GRIP1: variants seen among roughly 807,000 people sequenced by gnomAD.
GRIP1 encodes the protein glutamate receptor-interacting protein 1.
GRIP1 carries 45 observed loss-of-function variants against 129.9 expected under a neutral mutation model. That is an observed-to-expected ratio of 0.35 (90% CI 0.27 to 0.44). The LOEUF (loss-of-function observed/expected upper bound fraction) is 0.44, where lower values mean the gene tolerates loss of function less well. Ranked by LOEUF, GRIP1 falls within the 20% of genes least tolerant of loss-of-function variation. The probability of loss-of-function intolerance (pLI) is 1.00; values close to 1 mark genes in which losing one functional copy is unlikely to be tolerated. For synonymous variants in GRIP1, 530 were observed against 520.8 expected (o/e 1.02, Z -0.24); for missense variants, 1,196 against 1,396.8 (o/e 0.86, Z 2.29).
chr12:66,617,622 A>T (rs898461131), intron 1 of GRIP1, among the ~76,000 whole-genome samples: 3 of 152,068 alleles, frequency 2.0e-5, no homozygotes, highest in Non-Finnish European at 4.4e-5. Flanking sequence ...ACTGGCTTTG[A>T]TTAGAGCTCA....
At chr12:66,953,133 T>C (rs1169352407) in intron 1 of GRIP1, among the ~76,000 whole-genome samples, 1 of 152,216 alleles carries the variant, frequency 6.6e-6, no homozygotes, top group Non-Finnish European at 1.5e-5. Flanking sequence ...CCTTTTCATT[T>C]AAAACAAGAA....
At chr12:67,036,325 A>T (rs1455071635) in intron 1 of GRIP1, among the ~76,000 whole-genome samples, 1 of 148,578 alleles carries the variant, frequency 6.7e-6, no homozygotes, top group African/African-American at 2.5e-5. Context: ...AATAATACAG[A>T]ATAAGGATGT....
intron 9 of GRIP1, 69 bp downstream of exon 9, chr12:66,462,855 C>T: frequency 1.0e-6 from 1 of 998,326 alleles, no homozygotes; most frequent in South Asian, 1.3e-5. Flanking sequence ...TTTCTGCTGT[C>T]TAACTCTGCT....
intron 7 of GRIP1, among the ~76,000 whole-genome samples, chr12:66,487,884 G>GAA (rs2059997754): frequency 6.6e-6 from 1 of 151,996 alleles, no homozygotes; most frequent in Admixed American, 6.6e-5. Flanking sequence ...AAAAGACAAT[G>GAA]GGATTACATA....
chr12:66,444,628 G>A lies in GRIP1; in HGVS notation c.1643C>T (p.Ser548Leu), dbSNP rs1352984238. Residue 548 changes from serine to leucine, a missense_variant, in exon 13 of 25, where the codon TCA (serine) becomes TTA (leucine). By Grantham distance (145) the Ser-to-Leu change is moderately radical (BLOSUM62 -2). This residue lies in a region of GRIP1 where 508 missense variants were observed against 587.0 expected (regional missense o/e 0.87). Transcript: ENST00000359742. ...TTCCAGTGTGACCTTGCTCGTGATTGAAGAGTCTCGGAGGAGCTGACTGGC... is the reference window on the plus strand; with the variant it reads ...TTCCAGTGTGACCTTGCTCGTGATTAAAGAGTCTCGGAGGAGCTGACTGGC... ...EEASQLLRDS[S>L]ITSKVTLEIE... is the part of the protein sequence containing the mutation. 4 of 1,613,726 alleles carry A rather than the reference G, an allele frequency of 2.5e-6. No individual in the cohort carries two copies. Among genetic ancestry groups the A allele is most frequent in the Non-Finnish European group, 3.4e-6 (4 of 1,179,858 alleles).
chr12:66,488,818 A>G (rs2060027282), intron 7 of GRIP1, among the ~76,000 whole-genome samples: 1 of 152,050 alleles, frequency 6.6e-6, no homozygotes, highest in Admixed American at 6.6e-5. Context: ...AAATACAAAT[A>G]ACTATCAGAG....
chr12:66,853,332 C>CTG (rs2137086275), intron 1 of GRIP1, among the ~76,000 whole-genome samples: 1 of 151,942 alleles, frequency 6.6e-6, no homozygotes, highest in African/African-American at 2.4e-5. Flanking sequence ...GCCAGTGATG[C>CTG]ATTAGATATA....
intron 2 of GRIP1, among the ~76,000 whole-genome samples, chr12:66,585,333 A>C (rs1276115792): frequency 1.6e-5 from 2 of 128,942 alleles, no homozygotes; most frequent in East Asian, 4.6e-4. Context: ...ATTCCCACCT[A>C]TGAGTGAGAA....
chr12:67,032,030 T>C (rs1292148362), intron 1 of GRIP1, among the ~76,000 whole-genome samples: 1 of 152,138 alleles, frequency 6.6e-6, no homozygotes, highest in African/African-American at 2.4e-5. Context: ...CTGTCCATGG[T>C]TAGGGATACA....
chr12:66,788,088 G>A (rs1184090995), intron 1 of GRIP1, among the ~76,000 whole-genome samples: 4 of 151,944 alleles, frequency 2.6e-5, no homozygotes, highest in African/African-American at 9.7e-5. Context: ...GTGGTCATGG[G>A]GCACAAGACA....
At position 66,934,032 on chromosome 12, in the gene GRIP1, T is replaced by G. The variant is rs2041443617; in HGVS notation, c.58+135018A>C. Among the ~76,000 whole-genome samples, 3 of 152,336 alleles carry G rather than the reference T, an allele frequency of 2.0e-5. No homozygotes were observed. The South Asian group carries it at 6.2e-4, about 32-fold the overall frequency. ...GTGTACAAAACATGTTCTCTCACAA[T>G]TCATATTCCCACAAGAGCACCTTGT... On this transcript the variant is annotated intron_variant, in intron 1 of 1. Coordinates refer to the GRIP1 transcript ENST00000643019.
chr12:66,414,932 T>TATAACATGAAATAAA (rs2057536154), intron 15 of GRIP1, among the ~76,000 whole-genome samples: 4 of 121,950 alleles, frequency 3.3e-5, no homozygotes, highest in African/African-American at 1.5e-4. Context: ...TTACACCTTA[T>TATAACATGAAATAAA]ATAAAATAAA....
intron 1 of GRIP1, among the ~76,000 whole-genome samples, chr12:67,020,297 G>A (rs2042846451): frequency 6.6e-6 from 1 of 152,100 alleles, no homozygotes; most frequent in Non-Finnish European, 1.5e-5. Flanking sequence ...CATTTTTTAA[G>A]CCTGCATATA....
intron 16 of GRIP1, among the ~76,000 whole-genome samples, chr12:66,398,300 T>C (rs186904638): frequency 8.6e-5 from 13 of 150,470 alleles, no homozygotes; most frequent in African/African-American, 2.8e-4. Flanking sequence ...CTCAGTTCTT[T>C]AAGAATAAAA....
chr12:67,060,111 C>A (rs570256828), intron 1 of GRIP1, among the ~76,000 whole-genome samples: 1 of 152,248 alleles, frequency 6.6e-6, no homozygotes, highest in African/African-American at 2.4e-5. Context: ...TAACCTAATA[C>A]CGCCACCACT....
chr12:66,579,158 G>A (rs1048277953), intron 2 of GRIP1, among the ~76,000 whole-genome samples: 20 of 152,332 alleles, frequency 1.3e-4, no homozygotes, highest in African/African-American at 4.6e-4. Context: ...AGGGTCTGGA[G>A]TGGACCTCTA....
In GRIP1 at chr12:66,510,036, C is replaced by G. The variant is rs548844687; in HGVS notation, c.724+5583G>C. On this transcript the variant is annotated intron_variant, in intron 7 of 24. Transcript: ENST00000359742. ...CAACCACAGGGCTCTCAGACCCAATCATTTGGTAATATAGTTCAACCATAT... is the reference window on the plus strand; with the variant it reads ...CAACCACAGGGCTCTCAGACCCAATGATTTGGTAATATAGTTCAACCATAT... 4.7e-4 allele frequency among the ~76,000 whole-genome samples: 71 copies of G among 152,248 alleles called. No homozygotes were observed. In the South Asian group the frequency reaches 0.013, roughly 27 times the overall value.
In GRIP1 at chr12:66,420,767, T is replaced by C. The variant is rs768730046; in HGVS notation, c.1791A>G (p.Gly597=). The part of the protein sequence containing the change: ...TISSPSSRKP[G]DPLVISDIKK... ...TGATATCTGAAATGACGAGGGGGTCTCCTGGTTTTCTACTGGATGGTGCTG... is the reference window on the plus strand; with the variant it reads ...TGATATCTGAAATGACGAGGGGGTCCCCTGGTTTTCTACTGGATGGTGCTG... The change falls in exon 15 of 25, where the codon GGA becomes GGG. Residue 597 remains glycine, a synonymous_variant. Transcript: ENST00000359742. 7.7e-5 allele frequency: 122 copies of C among 1,582,960 alleles called. No individual in the cohort carries two copies. Among genetic ancestry groups the C allele is most frequent in the Non-Finnish European group, 1.0e-4 (117 of 1,151,562 alleles).
intron 1 of GRIP1, among the ~76,000 whole-genome samples, chr12:66,762,267 C>T (rs1010701286): frequency 1.5e-4 from 23 of 152,236 alleles, no homozygotes; most frequent in African/African-American, 5.5e-4. Flanking sequence ...CAAGGAGATT[C>T]TAGACTGAAG....
Sources: gnomAD v4.1 joint callset for allele counts (sites outside exome capture counted in the v4.1 genomes callset) on GRCh38, gnomAD v4.1.1 for gene constraint, gnomAD v4.1.1 regional missense constraint, MANE v1.5 for transcripts, NCBI Gene and HGNC (gene_info 2026-07-23, HGNC 2026-07-21) for gene names.